Variants in SCD5 observed in about 807,000 individuals in gnomAD.
SCD5 encodes the protein stearoyl-CoA desaturase 5.
Under a neutral mutation model 30.4 loss-of-function variants are expected in SCD5, and 20 were observed. The observed-to-expected ratio is 0.66, with a 90% CI of 0.46 to 0.96. The LOEUF (loss-of-function observed/expected upper bound fraction) is 0.96. SCD5 is among the 40% of genes least tolerant of loss of function. The probability of loss-of-function intolerance (pLI) is 0.00; values close to 1 mark genes in which losing one functional copy is unlikely to be tolerated. For synonymous variants in SCD5, 173 were observed against 176.4 expected (o/e 0.98, Z 0.16); for missense variants, 381 against 443.3 (o/e 0.86, Z 1.26).
At chr4:82,709,951 T>A (rs192712887) in intron 1 of SCD5, among the ~76,000 whole-genome samples, 2 of 152,332 alleles carry the variant, frequency 1.3e-5, no homozygotes, top group Non-Finnish European at 2.9e-5. Context: ...GAGGTAGATA[T>A]CATCATTTCC....
At chr4:82,651,068 T>C (rs1163514960) in intron 3 of SCD5, among the ~76,000 whole-genome samples, 2 of 152,210 alleles carry the variant, frequency 1.3e-5, no homozygotes, top group Non-Finnish European at 2.9e-5. Flanking sequence ...GATTCACCTA[T>C]CTGATGCTGC....
At chr4:82,638,878 C>T (rs1192885886) in intron 3 of SCD5, among the ~76,000 whole-genome samples, 1 of 152,218 alleles carries the variant, frequency 6.6e-6, no homozygotes, top group Non-Finnish European at 1.5e-5. Context: ...TATGTATTGA[C>T]TCATTTAATT....
chr4:82,711,294 C>T (rs952191996), intron 1 of SCD5, among the ~76,000 whole-genome samples: 1 of 151,988 alleles, frequency 6.6e-6, no homozygotes, highest in Non-Finnish European at 1.5e-5. Flanking sequence ...TGACCCCCTA[C>T]ATTTGGCAAT....
chr4:82,669,716 T>A (rs1168560598), intron 3 of SCD5, among the ~76,000 whole-genome samples: 1 of 151,976 alleles, frequency 6.6e-6, no homozygotes, highest in Non-Finnish European at 1.5e-5. Flanking sequence ...AAAAATAAAT[T>A]CCCTTGTATT....
intron 1 of SCD5, among the ~76,000 whole-genome samples, chr4:82,730,643 T>A (rs555672055): frequency 2.1e-5 from 3 of 143,710 alleles, no homozygotes; most frequent in East Asian, 4.1e-4. Flanking sequence ...TGGAGTGCAG[T>A]GGCGGGATCT....
At chr4:82,712,297 T>TATATACACA (rs1560540874) in intron 1 of SCD5, among the ~76,000 whole-genome samples, 1 of 33,748 alleles carries the variant, frequency 3.0e-5, no homozygotes, top group African/African-American at 1.0e-4. Flanking sequence ...TATATATATA[T>TATATACACA]TTTATTTTTA....
chr4:82,796,706 A>G (rs1270217224), intron 1 of SCD5, among the ~76,000 whole-genome samples: 1 of 152,156 alleles, frequency 6.6e-6, no homozygotes, highest in Non-Finnish European at 1.5e-5. Flanking sequence ...AGAGGTCACC[A>G]GGCTCTGAGG....
Position 82,738,376 on chromosome 4 carries a change from C to T in SCD5, c.233-32963G>A, listed in dbSNP as rs558670483. Among the ~76,000 whole-genome samples the T allele has an allele frequency of 5.9e-5, 9 of 152,252 alleles. No homozygotes were observed. The East Asian group carries it at 9.6e-4, about 16-fold the overall frequency. On this transcript the variant is annotated intron_variant, in intron 1 of 4. Coordinates refer to ENST00000319540, the MANE Select transcript of SCD5 (RefSeq NM_001037582.3). ...GGCAGACGTTGCAGTGAGCCGAGATCGTGCCACTGCACTCCAGCCTGGCAA... is the reference window on the plus strand; with the variant it reads ...GGCAGACGTTGCAGTGAGCCGAGATTGTGCCACTGCACTCCAGCCTGGCAA...
intron 2 of SCD5, among the ~76,000 whole-genome samples, chr4:82,697,065 G>C (rs1342924093): frequency 6.6e-6 from 1 of 152,194 alleles, no homozygotes. Flanking sequence ...AAGGTTGCGA[G>C]AAAATACATG....
At chr4:82,636,477 C>A in intron 4 of SCD5, 114 bp downstream of exon 4, 14 of 711,956 alleles carry the variant, frequency 2.0e-5, no homozygotes, top group Non-Finnish European at 2.6e-5. Context: ...AGCTCAAGTT[C>A]ACTGAACTCC....
intron 3 of SCD5, among the ~76,000 whole-genome samples, chr4:82,668,802 G>A (rs1292721358): frequency 6.6e-6 from 1 of 152,154 alleles, no homozygotes; most frequent in Non-Finnish European, 1.5e-5. Context: ...GCAGAGCATG[G>A]TTGTACTTAA....
intron 3 of SCD5, among the ~76,000 whole-genome samples, chr4:82,658,630 C>CTTTTTTTTTTTTTTTTT (rs57727794): frequency 8.6e-6 from 1 of 116,912 alleles, no homozygotes. Context: ...CCACACCTGG[C>CTTTTTTTTTTTTTTTTT]TTTTTTTTTT....
intron 4 of SCD5, among the ~76,000 whole-genome samples, chr4:82,632,683 T>C (rs375826009): frequency 1.2e-4 from 18 of 152,296 alleles, no homozygotes; most frequent in Admixed American, 2.6e-4. Flanking sequence ...TTTCTCCACA[T>C]CCTCTCCAGC....
chr4:82,756,774 C>A (rs931822341), intron 1 of SCD5, among the ~76,000 whole-genome samples: 2 of 151,792 alleles, frequency 1.3e-5, no homozygotes, highest in Non-Finnish European at 2.9e-5. Context: ...ACCAACACAA[C>A]ATCTCCCTCC....
intron 1 of SCD5, among the ~76,000 whole-genome samples, chr4:82,784,873 C>T (rs79458829): frequency 0.036 from 5,461 of 152,260 alleles, 332 homozygotes; most frequent in African/African-American, 0.13. Flanking sequence ...GCAGCTGGGC[C>T]AGGCAATAAC....
chr4:82,747,069 G>GCCCCCCCCCCCCCCCCC lies in SCD5; in HGVS notation c.233-41657_233-41656insGGGGGGGGGGGGGGGGG, dbSNP rs151046123. ...AGTTAGAGAAAAGTCTGGGCAACCT[G>GCCCCCCCCCCCCCCCCC]CCCCCCAAGAAAGACGACCTTCCCA... On this transcript the variant is annotated intron_variant, in intron 1 of 4. Coordinates refer to ENST00000319540, the MANE Select transcript of SCD5 (RefSeq NM_001037582.3). 1.5e-4 allele frequency among the ~76,000 whole-genome samples: 21 copies of GCCCCCCCCCCCCCCCCC among 139,660 alleles called. 2 individuals are homozygous for GCCCCCCCCCCCCCCCCC. The highest frequency in any genetic ancestry group is 2.9e-4 in the Admixed American group (4 of 13,984). The allele number at this position is 139,660 out of a possible 152,430, so 91.6% of individuals were successfully genotyped here.
At chr4:82,683,483 G>A (rs1225608629) in intron 2 of SCD5, among the ~76,000 whole-genome samples, 1 of 152,126 alleles carries the variant, frequency 6.6e-6, no homozygotes, top group Non-Finnish European at 1.5e-5. Flanking sequence ...AAACATAATA[G>A]AACTAAGATG....
intron 2 of SCD5, chr4:82,691,741 A>C (rs534126500): frequency 6.6e-6 from 1 of 152,232 alleles, no homozygotes; most frequent in Non-Finnish European, 1.5e-5. Context: ...TTCCGGATAG[A>C]AGCAGAGACC....
chr4:82,704,725 T>A (rs894189177), intron 2 of SCD5, among the ~76,000 whole-genome samples: 3 of 152,238 alleles, frequency 2.0e-5, no homozygotes, highest in African/African-American at 7.2e-5. Flanking sequence ...GATGGAATAG[T>A]CTTTCCACCA....
Sources: allele counts gnomAD v4.1 joint callset (sites outside exome capture counted in the v4.1 genomes callset), GRCh38; gene constraint gnomAD v4.1.1; transcripts MANE v1.5; gene names NCBI Gene and HGNC (gene_info 2026-07-23, HGNC 2026-07-21).